The following NNT variants were observed in gnomAD, a reference collection of about 807,000 sequenced individuals.
NNT encodes NAD(P) transhydrogenase, mitochondrial.
NNT carries 50 observed loss-of-function variants against 104.8 expected under a neutral mutation model. That is an observed-to-expected ratio of 0.48 (90% CI 0.38 to 0.60). NNT has a LOEUF of 0.60. Among genes scored for constraint, NNT ranks in the 20% least tolerant of loss-of-function variants. The pLI is 0.00. For missense variants in NNT, 1,131 were observed against 1,330.7 expected, an observed-to-expected ratio of 0.85 and a Z score of 2.33; for synonymous variants, 461 against 490.4, an observed-to-expected ratio of 0.94 and a Z score of 0.79.
At chr5:43,684,591 G>A (rs71629188) in intron 19 of NNT, among the ~76,000 whole-genome samples, 69 of 151,410 alleles carry the variant, frequency 4.6e-4, no homozygotes, top group Non-Finnish European at 7.8e-4. Context: ...GTTTCCCTTC[G>A]GATGGATAGA....
chr5:43,699,539 A>G (rs577840228), intron 19 of NNT, among the ~76,000 whole-genome samples: 6 of 151,856 alleles, frequency 4.0e-5, no homozygotes, highest in Non-Finnish European at 8.8e-5. Context: ...TTTTTAGTAG[A>G]GATAGGGTTT....
intron 7 of NNT, among the ~76,000 whole-genome samples, chr5:43,629,150 A>AC (rs565175426): frequency 5.2e-4 from 78 of 148,804 alleles, no homozygotes; most frequent in Admixed American, 8.0e-4. Context: ...TTTATCCCTC[A>AC]CCCCCCCTCC....
intron 10 of NNT, among the ~76,000 whole-genome samples, chr5:43,646,036 A>G (rs1739408775): frequency 6.6e-6 from 1 of 152,050 alleles, no homozygotes; most frequent in Non-Finnish European, 1.5e-5. Context: ...TTAATTGTCA[A>G]AATTAGTAAA....
chr5:43,615,039 A>AG (rs1405611456), intron 3 of NNT, among the ~76,000 whole-genome samples: 1 of 151,912 alleles, frequency 6.6e-6, no homozygotes, highest in East Asian at 1.9e-4. Flanking sequence ...CGGGAGGCTG[A>AG]GGCAGGAGAA....
At chr5:43,652,628 A>G (rs1739824065) in intron 13 of NNT, among the ~76,000 whole-genome samples, 1 of 152,062 alleles carries the variant, frequency 6.6e-6, no homozygotes, top group Admixed American at 6.5e-5. Context: ...TGGAGAAAAT[A>G]TGCAACTTCT....
chr5:43,670,653 G>A (rs553852681), intron 17 of NNT, among the ~76,000 whole-genome samples: 1 of 152,314 alleles, frequency 6.6e-6, no homozygotes, highest in Admixed American at 6.5e-5. Context: ...GAGAGAGTTT[G>A]TTATAATTTC....
At chr5:43,621,127 G>C (rs1750065175) in intron 5 of NNT, among the ~76,000 whole-genome samples, 2 of 152,326 alleles carry the variant, frequency 1.3e-5, no homozygotes, top group South Asian at 2.1e-4. Context: ...AAACATGGAG[G>C]GTTCTTACCT....
At chr5:43,624,858 T>C (rs1750281807) in intron 6 of NNT, among the ~76,000 whole-genome samples, 1 of 152,178 alleles carries the variant, frequency 6.6e-6, no homozygotes, top group African/African-American at 2.4e-5. Context: ...CTGAGGGTAC[T>C]GGAGGAATAA....
At chr5:43,644,379 G>A (rs3764979) in intron 8 of NNT, 54 bp downstream of exon 8, 62,232 of 1,566,386 alleles carry the variant, frequency 0.04, 1,619 homozygotes, top group East Asian at 0.11. Context: ...TTGAGTTATG[G>A]GGGGGTGTTT....
At chr5:43,625,401 G>A (rs369624934) in intron 6 of NNT, among the ~76,000 whole-genome samples, 3 of 151,898 alleles carry the variant, frequency 2.0e-5, no homozygotes, top group Admixed American at 6.6e-5. Flanking sequence ...TTGTTATACG[G>A]GTATCTCAAG....
Position 43,656,031 on chromosome 5 carries a change from G to A in NNT, c.2251G>A (p.Val751Ile), listed in dbSNP as rs932101005. The stretch of plus-strand genomic sequence containing the variant: ...CTACCTCGGCACTTACATTGGTGGC[G>A]TCACCTTTAGTGGGTCTCTCATTGC... ...VAYLGTYIGG[V>I]TFSGSLIAYG... Residue 751 changes from valine to isoleucine, a missense_variant, in exon 15 of 22, where the codon GTC (valine) becomes ATC (isoleucine). Transcript: ENST00000344920. 1.1e-5 allele frequency: 17 copies of A among 1,614,158 alleles called. No individual in the cohort carries two copies. The highest frequency in any genetic ancestry group is 5.0e-5 in the Admixed American group (3 of 60,008).
intron 20 of NNT, among the ~76,000 whole-genome samples, chr5:43,701,624 G>T (rs991465849): frequency 2.0e-5 from 3 of 152,088 alleles, no homozygotes; most frequent in Non-Finnish European, 4.4e-5. Flanking sequence ...GGTCAAGTAG[G>T]AGTTCTAAGT....
intron 10 of NNT, among the ~76,000 whole-genome samples, chr5:43,646,614 A>G (rs537297259): frequency 6.6e-6 from 1 of 152,206 alleles, no homozygotes; most frequent in African/African-American, 2.4e-5. Flanking sequence ...GATGTATGCC[A>G]TATTGTGCTG....
intron 10 of NNT, among the ~76,000 whole-genome samples, chr5:43,647,272 A>G (rs909737690): frequency 1.3e-5 from 2 of 152,234 alleles, no homozygotes; most frequent in Admixed American, 1.3e-4. Flanking sequence ...TTGTTAAAAA[A>G]ACAAAAGAAA....
At position 43,636,028 on chromosome 5, in the gene NNT, G is replaced by A. The variant is rs553823646; in HGVS notation, c.964+7641G>A. Among the ~76,000 whole-genome samples, 125 of 152,238 alleles carry A rather than the reference G, an allele frequency of 8.2e-4. 1 individual carries two copies. The highest frequency in any genetic ancestry group is 2.9e-3 in the African/African-American group (121 of 41,552). On this transcript the variant is annotated intron_variant, in intron 7 of 21. Coordinates refer to ENST00000344920, the MANE Select transcript of NNT (RefSeq NM_182977.3). ...TTAATCTGTTCATTGGAAAACAGAG[G>A]AAGGGTCATAGATTTAGAGCCAGAT...
rs953836809 is a variant in NNT at position 43,675,273 on chromosome 5, A to C, written c.2635-238A>C. Among the ~76,000 whole-genome samples, 5 of 152,168 alleles carry C rather than the reference A, an allele frequency of 3.3e-5. No individual in the cohort carries two copies. In the East Asian group the frequency reaches 9.6e-4, roughly 29 times the overall value. ...TTGGTTTCTATTTTTTTTACTGAAA[A>C]TATATCAGTGTGCAATTGATTTGAT... is the stretch of plus-strand genomic sequence containing the variant. On this transcript the variant is annotated intron_variant, in intron 17 of 21. Transcript: ENST00000344920.
chr5:43,696,811 C>A (rs532553508), intron 19 of NNT, among the ~76,000 whole-genome samples: 1 of 152,348 alleles, frequency 6.6e-6, no homozygotes, highest in Admixed American at 6.5e-5. Context: ...CAAGCTATAC[C>A]TTGGCCCCTT....
intron 7 of NNT, among the ~76,000 whole-genome samples, chr5:43,642,739 A>G (rs1441092894): frequency 1.3e-5 from 2 of 152,212 alleles, no homozygotes; most frequent in Non-Finnish European, 2.9e-5. Context: ...AAAACTATAC[A>G]GTTTGTAGCA....
intron 17 of NNT, among the ~76,000 whole-genome samples, chr5:43,661,193 T>C (rs1411621776): frequency 1.3e-5 from 2 of 152,174 alleles, no homozygotes; most frequent in African/African-American, 4.8e-5. Context: ...ATTTGAAAAG[T>C]GTCAGGCTTT....
Sources: allele counts gnomAD v4.1 joint callset (sites outside exome capture counted in the v4.1 genomes callset), GRCh38; gene constraint gnomAD v4.1.1; transcripts MANE v1.5; gene names NCBI Gene and HGNC (gene_info 2026-07-23, HGNC 2026-07-21).